Variants in VPS41 observed in about 807,000 individuals in gnomAD.
The protein encoded by VPS41 is VPS41 subunit of HOPS complex, also known as vacuolar protein sorting-associated protein 41 homolog.
In VPS41, 85 loss-of-function variants were observed where a neutral mutation model predicts 130.9. The ratio of observed to expected loss-of-function variants is 0.65; its 90% CI spans 0.55 to 0.78. The LOEUF (loss-of-function observed/expected upper bound fraction) is 0.78. VPS41 is among the 30% of genes least tolerant of loss of function. The pLI, the probability that VPS41 is intolerant of heterozygous loss-of-function variation, is 0.00. For synonymous variants in VPS41, 335 were observed against 332.9 expected (o/e 1.01, Z -0.07); for missense variants, 874 against 1,018.7 (o/e 0.86, Z 1.93).
chr7:38,743,776 A>T (rs10225415), intron 23 of VPS41, among the ~76,000 whole-genome samples: 136,122 of 152,062 alleles, frequency 0.9, 61,000 homozygotes, highest in East Asian at 0.99. Context: ...ATGACATCAT[A>T]TAACCATCAC....
intron 13 of VPS41, among the ~76,000 whole-genome samples, chr7:38,772,038 GT>G (rs1055316552): frequency 2.0e-5 from 3 of 151,718 alleles, no homozygotes; most frequent in Non-Finnish European, 2.9e-5. Flanking sequence ...TTGAAAAATG[GT>G]TTTTTTCTTT....
intron 22 of VPS41, chr7:38,746,040 G>A (rs1220626436): frequency 1.2e-5 from 2 of 162,386 alleles, no homozygotes; most frequent in African/African-American, 2.4e-5. Context: ...TCCTAGTATT[G>A]TGCATACCAT....
At position 38,909,048 on chromosome 7, in the gene VPS41, C is replaced by G. The variant is rs914863717; in HGVS notation, c.21+106G>C. 1.2e-5 allele frequency: 16 copies of G among 1,389,626 alleles called. No homozygotes were observed. The African/African-American group carries it at 2.0e-4, about 17-fold the overall frequency. 86.1% of individuals were successfully genotyped at this position (1,389,626 alleles called of 1,614,324 possible). ...CGCCCTGCCGCGGACCTGCCTTGCG[C>G]TATTCCAGCAGCTCCGCACCTCCAC... On this transcript the variant is annotated intron_variant, in intron 1 of 28. Coordinates refer to ENST00000310301, the MANE Select transcript of VPS41 (RefSeq NM_014396.4).
At chr7:38,811,046 G>T (rs1432061263) in intron 7 of VPS41, among the ~76,000 whole-genome samples, 1 of 152,068 alleles carries the variant, frequency 6.6e-6, no homozygotes, top group African/African-American at 2.4e-5. Flanking sequence ...AAAAATTTGC[G>T]AACACTTTCA....
intron 23 of VPS41, among the ~76,000 whole-genome samples, chr7:38,744,852 A>G (rs1010449395): frequency 5.3e-5 from 8 of 152,214 alleles, no homozygotes; most frequent in African/African-American, 1.9e-4. Flanking sequence ...AAAGAGGCCA[A>G]TGAGAGTGAG....
chr7:38,743,086 AC>A (rs11297834), intron 24 of VPS41, among the ~76,000 whole-genome samples: 135,690 of 151,706 alleles, frequency 0.89, 60,764 homozygotes, highest in East Asian at 0.99. Flanking sequence ...ACAAAAAAAA[AC>A]CACACCAACA....
chr7:38,898,628 C>T (rs1396833449), intron 1 of VPS41, among the ~76,000 whole-genome samples: 2 of 152,204 alleles, frequency 1.3e-5, no homozygotes, highest in African/African-American at 4.8e-5. Flanking sequence ...CCTGTGTAAA[C>T]AAGCTGTATA....
At chr7:38,749,292 T>C (rs955508828) in intron 22 of VPS41, among the ~76,000 whole-genome samples, 13 of 152,140 alleles carry the variant, frequency 8.5e-5, no homozygotes, top group Non-Finnish European at 1.3e-4. Context: ...TTTCAATCAG[T>C]TGCCAATCTG....
intron 4 of VPS41, among the ~76,000 whole-genome samples, chr7:38,852,953 C>G (rs1359746546): frequency 6.6e-6 from 1 of 152,138 alleles, no homozygotes; most frequent in Non-Finnish European, 1.5e-5. Context: ...ATTCTTTTTC[C>G]TTTGGTCCTT....
intron 5 of VPS41, among the ~76,000 whole-genome samples, chr7:38,823,794 C>G (rs1415615342): frequency 3.3e-5 from 5 of 152,144 alleles, no homozygotes; most frequent in Non-Finnish European, 5.9e-5. Flanking sequence ...CTGAGGCTGG[C>G]CTTGAAATGT....
chr7:38,799,497 T>C (rs1411045862), intron 7 of VPS41, among the ~76,000 whole-genome samples: 1 of 152,060 alleles, frequency 6.6e-6, no homozygotes, highest in African/African-American at 2.4e-5. Context: ...AAGTTAATAA[T>C]GAACATGACA....
chr7:38,799,624 A>G (rs1397341731), intron 7 of VPS41, among the ~76,000 whole-genome samples: 2 of 152,220 alleles, frequency 1.3e-5, no homozygotes, highest in African/African-American at 4.8e-5. Flanking sequence ...AAAGAGCTTA[A>G]GTCTCATTAA....
At chr7:38,733,963 G>A (rs1291759470) in intron 25 of VPS41, among the ~76,000 whole-genome samples, 1 of 152,118 alleles carries the variant, frequency 6.6e-6, no homozygotes, top group Admixed American at 6.5e-5. Context: ...GCGCATGCCT[G>A]TAGTTCCAAC....
intron 19 of VPS41, among the ~76,000 whole-genome samples, chr7:38,755,464 C>G (rs1214353855): frequency 3.3e-5 from 5 of 152,134 alleles, no homozygotes; most frequent in African/African-American, 1.2e-4. Context: ...TTTGGACTTT[C>G]AGAATTTACT....
At chr7:38,898,572 TA>T (rs1787066749) in intron 1 of VPS41, among the ~76,000 whole-genome samples, 1 of 152,258 alleles carries the variant, frequency 6.6e-6, no homozygotes, top group Non-Finnish European at 1.5e-5. Flanking sequence ...ACTGTCTTGC[TA>T]AAATAGCTTT....
chr7:38,859,911 C>A (rs934688849), intron 4 of VPS41, among the ~76,000 whole-genome samples: 9 of 152,190 alleles, frequency 5.9e-5, no homozygotes, highest in Non-Finnish European at 1.0e-4. Flanking sequence ...AAAGCTATAT[C>A]TAGAAATAAT....
intron 9 of VPS41, 25 bp downstream of exon 9, chr7:38,795,440 T>C: frequency 1.2e-6 from 2 of 1,603,602 alleles, no homozygotes; most frequent in Non-Finnish European, 1.7e-6. Context: ...CAACACGGAC[T>C]TATTATAAAG....
intron 2 of VPS41, among the ~76,000 whole-genome samples, chr7:38,879,422 A>G (rs551235723): frequency 6.6e-6 from 1 of 152,228 alleles, no homozygotes; most frequent in East Asian, 1.9e-4. Context: ...CTCAAAGTGC[A>G]CTTCATGAAG....
intron 4 of VPS41, among the ~76,000 whole-genome samples, chr7:38,833,661 T>C (rs997547497): frequency 6.6e-6 from 1 of 152,248 alleles, no homozygotes; most frequent in Non-Finnish European, 1.5e-5. Context: ...TTGTTTTGTC[T>C]CCTTAGCACT....
Sources: gnomAD v4.1 joint callset for allele counts (sites outside exome capture counted in the v4.1 genomes callset) on GRCh38, gnomAD v4.1.1 for gene constraint, MANE v1.5 for transcripts, NCBI Gene and HGNC (gene_info 2026-07-23, HGNC 2026-07-21) for gene names.